Variants in COL20A1 observed in about 807,000 individuals in gnomAD.
COL20A1 encodes the protein collagen type XX alpha 1 chain.
COL20A1 carries 164 observed loss-of-function variants against 152.9 expected under a neutral mutation model. The ratio of observed to expected loss-of-function variants is 1.07; its 90% CI spans 0.94 to 1.22. The LOEUF is 1.22. COL20A1 is among the 50% of genes most tolerant of loss of function. The pLI, the probability that COL20A1 is intolerant of heterozygous loss-of-function variation, is 0.00. For missense variants in COL20A1, 1,873 were observed against 1,744.8 expected, an observed-to-expected ratio of 1.07 and a Z score of -1.31; for synonymous variants, 864 against 756.0, an observed-to-expected ratio of 1.14 and a Z score of -2.34.
In COL20A1 at chr20:63,312,019, C is replaced by T; in HGVS notation, c.1767C>T (p.Val589=). The change falls in exon 14 of 36, where the codon GTC becomes GTT. Residue 589 remains valine (V), a synonymous_variant. Coordinates refer to ENST00000358894, the MANE Select transcript of COL20A1 (RefSeq NM_020882.4). ...GAPRPVRLVR[V]TYVSSEGGHS... Reference sequence around the variant, plus strand: ...CGAGGCCTGTGCGCCTGGTCAGGGTCACCTATGTGTCCAGCGAGGGTGGAC... The same window carrying T: ...CGAGGCCTGTGCGCCTGGTCAGGGTTACCTATGTGTCCAGCGAGGGTGGAC... The T allele has an allele frequency of 6.2e-7, 1 of 1,604,824 alleles. No homozygotes were observed. Among genetic ancestry groups the T allele is most frequent in the Non-Finnish European group, 8.5e-7 (1 of 1,176,328 alleles).
chr20:63,312,013 CAG>C lies in COL20A1; in HGVS notation c.1762_1763del (p.Arg588GlyfsTer140). On this transcript the variant is annotated frameshift_variant, in exon 14 of 36. Coordinates refer to ENST00000358894, the MANE Select transcript of COL20A1 (RefSeq NM_020882.4). LOFTEE classifies it high-confidence loss of function. ...EGAPRPVRLVRVTYVSSEGGH... is the reference protein window; with the variant it reads ...EGAPRPVRLVXVTYVSSEGGH... ...GTGCCCCGAGGCCTGTGCGCCTGGT[CAG>C]GGTCACCTATGTGTCCAGCGAGGGT... 13 of 1,605,886 alleles carry C rather than the reference CAG, an allele frequency of 8.1e-6. No individual in the cohort carries two copies. Among genetic ancestry groups the C allele is most frequent in the Non-Finnish European group, 1.1e-5 (13 of 1,176,906 alleles).
chr20:63,324,390 C>T (rs2068212916), intron 27 of COL20A1: 1 of 152,230 alleles, frequency 6.6e-6, no homozygotes, highest in African/African-American at 2.4e-5. Flanking sequence ...CTCTCATTTT[C>T]TTCTTGGCCT....
chr20:63,304,211 T>C (rs2067894464), intron 3 of COL20A1, among the ~76,000 whole-genome samples: 1 of 100,246 alleles, frequency 1.0e-5, no homozygotes, highest in Non-Finnish European at 2.1e-5. Flanking sequence ...CTCCCTCCCT[T>C]CCTCCCTCCA....
At chr20:63,317,273 G>A (rs949972991) in intron 21 of COL20A1, among the ~76,000 whole-genome samples, 1 of 152,032 alleles carries the variant, frequency 6.6e-6, no homozygotes, top group Non-Finnish European at 1.5e-5. Flanking sequence ...AAACCAGCCT[G>A]GACAATGCAG....
intron 27 of COL20A1, chr20:63,324,496 C>G (rs1489777354): frequency 6.6e-6 from 1 of 152,222 alleles, no homozygotes; most frequent in Non-Finnish European, 1.5e-5. Flanking sequence ...ATCCACTCTT[C>G]TTTTATTAGA....
intron 3 of COL20A1, among the ~76,000 whole-genome samples, chr20:63,302,019 C>T (rs934905427): frequency 1.3e-4 from 20 of 152,140 alleles, no homozygotes; most frequent in African/African-American, 4.8e-4. Flanking sequence ...AATTTAAACA[C>T]AGGCAAAAGA....
intron 2 of COL20A1, 109 bp from the exon 3 acceptor site, chr20:63,297,801 A>T: frequency 1.3e-6 from 1 of 797,826 alleles, no homozygotes; most frequent in Non-Finnish European, 2.0e-6. Context: ...CCCCCGGGAT[A>T]GGACTGTGTT....
At chr20:63,316,474 TC>T in intron 20 of COL20A1, 78 bp from the exon 21 acceptor site, 2 of 1,224,622 alleles carry the variant, frequency 1.6e-6, no homozygotes, top group Non-Finnish European at 2.2e-6. Context: ...CCCTCTTGAG[TC>T]CCCGCTCCTG....
intron 1 of COL20A1, among the ~76,000 whole-genome samples, chr20:63,294,509 C>T (rs955186697): frequency 2.0e-5 from 3 of 152,022 alleles, no homozygotes; most frequent in Non-Finnish European, 2.9e-5. Context: ...CTCCCTGTCT[C>T]GGCCTCAGAG....
At chr20:63,317,133 C>T (rs1282352305) in intron 21 of COL20A1, among the ~76,000 whole-genome samples, 2 of 152,128 alleles carry the variant, frequency 1.3e-5, no homozygotes, top group African/African-American at 2.4e-5. Flanking sequence ...AGTTGTTCAT[C>T]GTGACCCTGA....
At chr20:63,329,241 G>A (rs1288152401) in intron 34 of COL20A1, 1 of 263,130 alleles carries the variant, frequency 3.8e-6, no homozygotes, top group Non-Finnish European at 7.2e-6. Context: ...TGCCCACAGT[G>A]GCCTGGTTGC....
At position 63,294,015 on chromosome 20, in the gene COL20A1, C is replaced by G. The variant is rs1206830536; in HGVS notation, c.-11+740C>G. On this transcript the variant is annotated intron_variant, in intron 1 of 35. Coordinates refer to ENST00000358894, the MANE Select transcript of COL20A1 (RefSeq NM_020882.4). ...CTCAAGCCATGCCCTCAGCTCAGCA[C>G]AGAGGGGTAGGGGCCCGGCCTGCCG... Among the ~76,000 whole-genome samples the G allele has an allele frequency of 2.8e-5, 4 of 142,480 alleles. No individual in the cohort carries two copies. In the Admixed American group the frequency reaches 2.8e-4, roughly 10 times the overall value. 93.5% of individuals were successfully genotyped at this position (142,480 alleles called of 152,430 possible). A position where few individuals can be genotyped will look rare whatever the true frequency, so the allele number is the denominator to read the frequency against.
chr20:63,324,941 C>T (rs548720406), intron 27 of COL20A1: 28 of 242,638 alleles, frequency 1.2e-4, no homozygotes, highest in African/African-American at 4.9e-4. Flanking sequence ...GGCTTTTCCT[C>T]GGTGATTTCT....
In COL20A1 at chr20:63,320,171, A is replaced by G; in HGVS notation, c.3049A>G (p.Arg1017Gly). 2 of 1,562,132 alleles carry G rather than the reference A, an allele frequency of 1.3e-6. No individual in the cohort carries two copies. The highest frequency in any genetic ancestry group is 1.7e-6 in the Non-Finnish European group (2 of 1,155,602). The change falls in exon 24 of 36, where the codon AGG becomes GGG. Residue 1017 changes from arginine (R) to glycine (G), a missense_variant. Arg to Gly is a moderately radical substitution (Grantham distance 125). Coordinates refer to ENST00000358894, the MANE Select transcript of COL20A1 (RefSeq NM_020882.4). ...FVTLGRLAKARGPRSSSAAFQ... is the reference protein window; with the variant it reads ...FVTLGRLAKAGGPRSSSAAFQ... ...CACGCTGGGGAGGCTGGCCAAGGCC[A>G]GGGGCCCCCGGAGCAGTTCGGCCGC...
rs1424616202 is a variant in COL20A1, at chr20:63,329,190, G to A, written c.3782-395G>A. ...GGAAACTGGGGGCAACCTGGGGGGA[G>A]CCCCGTGGGCTGTGGGAACCCCTGC... On this transcript the variant is annotated intron_variant, in intron 34 of 35. Coordinates refer to ENST00000358894, the MANE Select transcript of COL20A1 (RefSeq NM_020882.4). The A allele has an allele frequency of 1.4e-5, 3 of 210,380 alleles. No individual in the cohort carries two copies. The Admixed American group carries it at 1.6e-4, about 11-fold the overall frequency. The allele number at this position is 210,380 out of a possible 1,614,324, so 13.0% of individuals were successfully genotyped here. A position where few individuals can be genotyped will look rare whatever the true frequency, so the allele number is the denominator to read the frequency against.
At position 63,318,953 on chromosome 20, in the gene COL20A1, C is replaced by T. The variant is rs548506005; in HGVS notation, c.2664-105C>T. On this transcript the variant is annotated intron_variant, in intron 21 of 35. Coordinates refer to ENST00000358894, the MANE Select transcript of COL20A1 (RefSeq NM_020882.4). ...GGTCCACCATGACCCTCAGAGCAGC[C>T]TCAGGGACTGGCACTGGGGCTGGGG... 172 of 889,438 alleles carry T rather than the reference C, an allele frequency of 1.9e-4. 3 individuals are homozygous for T. In the South Asian group the frequency reaches 2.4e-3, roughly 12 times the overall value. 55.1% of individuals were successfully genotyped at this position (889,438 alleles called of 1,614,324 possible).
At chr20:63,320,397 C>A (rs374170593) in intron 25 of COL20A1, 29 bp downstream of exon 25, 2 of 1,606,180 alleles carry the variant, frequency 1.2e-6, no homozygotes, top group Middle Eastern at 1.7e-4. Context: ...CCCTGTTCCA[C>A]GAAGCAAGTT....
Position 63,319,300 on chromosome 20 carries a change from C to T in COL20A1, c.2806+100C>T, listed in dbSNP as rs2068126207. The T allele has an allele frequency of 7.6e-7, 1 of 1,323,918 alleles. No individual in the cohort carries two copies. The allele number at this position is 1,323,918 out of a possible 1,614,324, so 82.0% of individuals were successfully genotyped here. A position where few individuals can be genotyped will look rare whatever the true frequency, so the allele number is the denominator to read the frequency against. On this transcript the variant is annotated intron_variant, in intron 22 of 35. Coordinates refer to ENST00000358894, the MANE Select transcript of COL20A1 (RefSeq NM_020882.4). The surrounding 1 kb of genome is among the most constrained non-coding windows in gnomAD (Gnocchi z 4.4). ...TTCAGAGGAAGTCCAGCCTCCAGGC[C>T]AGGCCCTCAGCACCCTCTGGGTGGG...
Position 63,315,419 on chromosome 20 carries a change from G to C in COL20A1, c.2504G>C (p.Arg835Pro). 6.3e-7 allele frequency: 1 copy of C among 1,578,328 alleles called. No homozygotes were observed. The highest frequency in any genetic ancestry group is 8.6e-7 in the Non-Finnish European group (1 of 1,166,988). Residue 835 changes from arginine to proline, a missense_variant, in exon 20 of 36, where the codon CGC (arginine) becomes CCC (proline). Coordinates refer to ENST00000358894, the MANE Select transcript of COL20A1 (RefSeq NM_020882.4). Reference sequence around the variant, plus strand: ...CTCTCAGCAGCCTGCCCAGCCCTCCGCCCTGACGGCTCCCTCCCAGGTGGG... The same window carrying C: ...CTCTCAGCAGCCTGCCCAGCCCTCCCCCCTGACGGCTCCCTCCCAGGTGGG... ...ATGQTACPAL[R>P]PDGSLPGFDL...
Sources: gnomAD v4.1 joint callset for allele counts (sites outside exome capture counted in the v4.1 genomes callset) on GRCh38, gnomAD v4.1.1 for gene constraint, Gnocchi (gnomAD v3.1) non-coding constraint, MANE v1.5 for transcripts, NCBI Gene and HGNC (gene_info 2026-07-23, HGNC 2026-07-21) for gene names.